SBF2: variants seen among roughly 807,000 people sequenced by gnomAD.
SBF2 encodes myotubularin-related protein 13.
A neutral mutation model predicts 225.2 loss-of-function variants in SBF2; 112 were observed. The ratio of observed to expected loss-of-function variants is 0.50; its 90% CI spans 0.43 to 0.58. The LOEUF is 0.58. Ranked by LOEUF, SBF2 falls within the 20% of genes least tolerant of loss-of-function variation. SBF2 has a pLI of 0.00. For missense variants in SBF2, 1,996 were observed against 2,206.2 expected (o/e 0.90, Z 1.91); for synonymous variants, 763 against 773.3 (o/e 0.99, Z 0.22).
chr11:10,128,637 G>C (rs1370597557), intron 2 of SBF2, among the ~76,000 whole-genome samples: 4 of 152,108 alleles, frequency 2.6e-5, no homozygotes, highest in Non-Finnish European at 5.9e-5. Context: ...TGATGACTCT[G>C]GCAATAGATG....
At chr11:9,955,693 G>C (rs1866115777) in intron 16 of SBF2, among the ~76,000 whole-genome samples, 1 of 152,038 alleles carries the variant, frequency 6.6e-6, no homozygotes, top group African/African-American at 2.4e-5. Flanking sequence ...ATAGCAGTCA[G>C]TACTTTAAGA....
intron 14 of SBF2, among the ~76,000 whole-genome samples, chr11:9,965,780 T>G (rs1367099667): frequency 6.6e-6 from 1 of 152,240 alleles, no homozygotes; most frequent in African/African-American, 2.4e-5. Flanking sequence ...TTACCAGTTT[T>G]CTTCAAATCA....
chr11:9,794,292 G>A (rs549843146), intron 33 of SBF2, among the ~76,000 whole-genome samples: 11 of 152,222 alleles, frequency 7.2e-5, no homozygotes, highest in African/African-American at 1.2e-4. Flanking sequence ...AAATACCTGC[G>A]TTTTACTCCC....
chr11:10,289,596 C>A (rs1041186595), intron 1 of SBF2, among the ~76,000 whole-genome samples: 2 of 152,088 alleles, frequency 1.3e-5, no homozygotes, highest in African/African-American at 4.8e-5. Flanking sequence ...CTGGGCCCAG[C>A]CCTTGGGAGT....
At chr11:10,040,639 A>G (rs1408358457) in intron 3 of SBF2, among the ~76,000 whole-genome samples, 3 of 152,030 alleles carry the variant, frequency 2.0e-5, no homozygotes, top group Non-Finnish European at 4.4e-5. Flanking sequence ...AGTAGGTTTT[A>G]TTATATTGAT....
At chr11:10,081,885 A>G (rs1326360489) in intron 2 of SBF2, among the ~76,000 whole-genome samples, 2 of 152,110 alleles carry the variant, frequency 1.3e-5, no homozygotes, top group African/African-American at 4.8e-5. Flanking sequence ...CAAAGATTCA[A>G]GCAAATAGAA....
At chr11:9,838,090 G>A (rs1036639304) in intron 26 of SBF2, 4 of 149,056 alleles carry the variant, frequency 2.7e-5, no homozygotes, top group Admixed American at 6.7e-5. Context: ...CTTTGAATTG[G>A]AACATTTAGT....
At chr11:10,071,265 CTTTT>C (rs945479458) in intron 2 of SBF2, among the ~76,000 whole-genome samples, 1 of 103,070 alleles carries the variant, frequency 9.7e-6, no homozygotes, top group Non-Finnish European at 1.9e-5. Context: ...CTCTCTCTCT[CTTTT>C]TTTTTTTTTT....
intron 29 of SBF2, among the ~76,000 whole-genome samples, chr11:9,815,192 C>T (rs889854387): frequency 2.0e-5 from 3 of 149,060 alleles, no homozygotes; most frequent in Non-Finnish European, 4.4e-5. Flanking sequence ...GTAATCCCAG[C>T]ACTTTGGGAG....
intron 2 of SBF2, among the ~76,000 whole-genome samples, chr11:10,049,861 T>C (rs1950000544): frequency 6.6e-6 from 1 of 152,162 alleles, no homozygotes; most frequent in Non-Finnish European, 1.5e-5. Context: ...AAAATATCTT[T>C]CAAAATCCTT....
intron 29 of SBF2, among the ~76,000 whole-genome samples, chr11:9,812,909 C>T (rs891861063): frequency 1.3e-5 from 2 of 152,158 alleles, no homozygotes; most frequent in South Asian, 4.1e-4. Context: ...TAGTGGTTTG[C>T]CCAGAATGGC....
intron 2 of SBF2, among the ~76,000 whole-genome samples, chr11:10,164,063 C>A (rs1955855905): frequency 6.6e-6 from 1 of 152,162 alleles, no homozygotes; most frequent in Non-Finnish European, 1.5e-5. Context: ...AGTGAGATAA[C>A]TTTTGGTGCC....
rs1458832777 is a variant in SBF2, at chr11:9,858,390, C to A, written c.1936G>T (p.Ala646Ser). The A allele has an allele frequency of 6.2e-7, 1 of 1,614,110 alleles. No homozygotes were observed. Among genetic ancestry groups the A allele is most frequent in the Admixed American group, 1.7e-5 (1 of 59,996 alleles). The change falls in exon 18 of 40, where the codon GCC becomes TCC. Residue 646 changes from alanine (A) to serine (S), a missense_variant. Coordinates refer to ENST00000256190, the MANE Select transcript of SBF2 (RefSeq NM_030962.4). ...TAAGCAAACTGGCTGACTCCAGGGG[C>A]AAGTTTCTGTGAGAACACACAAAAT... The part of the protein sequence containing the change: ...PLTSAFYRKL[A>S]PGVSQFAYTC...
chr11:10,114,618 G>A (rs556303442), intron 2 of SBF2, among the ~76,000 whole-genome samples: 1 of 152,144 alleles, frequency 6.6e-6, no homozygotes, highest in Non-Finnish European at 1.5e-5. Context: ...AATGAAAACC[G>A]ATGACATTTT....
chr11:10,115,058 G>T (rs1953064723), intron 2 of SBF2, among the ~76,000 whole-genome samples: 1 of 152,076 alleles, frequency 6.6e-6, no homozygotes, highest in South Asian at 2.1e-4. Flanking sequence ...AAGTTTGTAG[G>T]AATTGTTTAT....
At chr11:10,045,595 C>T (rs112381127) in intron 2 of SBF2, among the ~76,000 whole-genome samples, 1,955 of 152,276 alleles carry the variant, frequency 0.013, 20 homozygotes, top group Non-Finnish European at 0.019. Context: ...TTTGTGTCCA[C>T]GTTCAATTGA....
chr11:10,191,911 A>G (rs1591180822), intron 2 of SBF2, among the ~76,000 whole-genome samples: 1 of 150,236 alleles, frequency 6.7e-6, no homozygotes, highest in East Asian at 2.1e-4. Context: ...AGCTATGCCA[A>G]TCCATGATTT....
intron 2 of SBF2, among the ~76,000 whole-genome samples, chr11:10,171,289 C>G (rs939510512): frequency 2.6e-5 from 4 of 152,102 alleles, no homozygotes; most frequent in African/African-American, 7.2e-5. Flanking sequence ...TTGTATATAG[C>G]TTTTATTGTG....
intron 16 of SBF2, among the ~76,000 whole-genome samples, chr11:9,912,779 C>G (rs926198223): frequency 6.6e-6 from 1 of 152,152 alleles, no homozygotes; most frequent in Non-Finnish European, 1.5e-5. Context: ...TCAAGCTACA[C>G]ATTTCTCAGC....
Sources: allele counts gnomAD v4.1 joint callset (sites outside exome capture counted in the v4.1 genomes callset), GRCh38; gene constraint gnomAD v4.1.1; transcripts MANE v1.5; gene names NCBI Gene and HGNC (gene_info 2026-07-23, HGNC 2026-07-21).